Variants in ARHGAP10 observed in about 807,000 individuals in gnomAD.
ARHGAP10 encodes the protein Rho GTPase activating protein 10.
ARHGAP10 carries 87 observed loss-of-function variants against 108.6 expected under a neutral mutation model. The observed-to-expected ratio is 0.80, with a 90% CI of 0.67 to 0.96. The LOEUF (loss-of-function observed/expected upper bound fraction) is 0.96, where lower values mean the gene tolerates loss of function less well. Among genes scored for constraint, ARHGAP10 ranks in the 40% least tolerant of loss-of-function variants. The pLI is 0.00. For missense variants in ARHGAP10, 939 were observed against 954.5 expected (o/e 0.98, Z 0.21); for synonymous variants, 347 against 341.1 (o/e 1.02, Z -0.19).
At chr4:147,907,913 G>C (rs1560820830) in intron 11 of ARHGAP10, among the ~76,000 whole-genome samples, 3 of 152,098 alleles carry the variant, frequency 2.0e-5, no homozygotes, top group Non-Finnish European at 4.4e-5. Context: ...CGTGACCTTG[G>C]CTCACTGCAA....
Position 147,879,234 on chromosome 4 carries a change from C to A in ARHGAP10, c.835C>A (p.Pro279Thr). 2 of 1,611,248 alleles carry A rather than the reference C, an allele frequency of 1.2e-6. No homozygotes were observed. The highest frequency in any genetic ancestry group is 1.7e-6 in the Non-Finnish European group (2 of 1,179,136). ...AAAGGGCTGTTTTTTTGTTGAAGGGCCTGCTCCGTTTGGTTCCAGTTGGGT... is the reference window on the plus strand; with the variant it reads ...AAAGGGCTGTTTTTTTGTTGAAGGGACTGCTCCGTTTGGTTCCAGTTGGGT... Reference protein sequence around the residue: ...EGYLYVQEKRPAPFGSSWVKH... With the variant: ...EGYLYVQEKRTAPFGSSWVKH... Residue 279 changes from proline (P) to threonine (T), a missense_variant and splice_region_variant, in exon 9 of 23, where the codon CCT (proline) becomes ACT (threonine). Pro to Thr is a conservative substitution (Grantham distance 38). Transcript: ENST00000336498.
chr4:147,867,993 A>G (rs539576658), intron 7 of ARHGAP10, among the ~76,000 whole-genome samples: 6 of 148,454 alleles, frequency 4.0e-5, no homozygotes, highest in Admixed American at 1.4e-4. Flanking sequence ...TATTTTTATA[A>G]TTTATGTGTC....
At chr4:148,000,264 T>C (rs1740653314) in intron 18 of ARHGAP10, among the ~76,000 whole-genome samples, 1 of 152,228 alleles carries the variant, frequency 6.6e-6, no homozygotes, top group Non-Finnish European at 1.5e-5. Flanking sequence ...AACTCATCTT[T>C]TTGATGGCTG....
chr4:148,012,429 G>A (rs1030175646), intron 18 of ARHGAP10, among the ~76,000 whole-genome samples: 1 of 152,210 alleles, frequency 6.6e-6, no homozygotes, highest in Non-Finnish European at 1.5e-5. Flanking sequence ...GAATTGTGCA[G>A]TTCACACTGA....
At chr4:148,004,343 G>A (rs1698803994) in intron 18 of ARHGAP10, among the ~76,000 whole-genome samples, 1 of 152,146 alleles carries the variant, frequency 6.6e-6, no homozygotes, top group Admixed American at 6.5e-5. Context: ...TTCAACAGGT[G>A]GAAGAAACAT....
intron 1 of ARHGAP10, among the ~76,000 whole-genome samples, chr4:147,756,915 G>A (rs1219849058): frequency 6.6e-6 from 1 of 151,346 alleles, no homozygotes. Context: ...TATAAGAAGA[G>A]GGAAGGGCAT....
chr4:147,810,656 C>A (rs1318825021), intron 1 of ARHGAP10, among the ~76,000 whole-genome samples: 1 of 152,164 alleles, frequency 6.6e-6, no homozygotes, highest in Non-Finnish European at 1.5e-5. Flanking sequence ...TGTGGAGAAC[C>A]TAAATGCACA....
intron 3 of ARHGAP10, among the ~76,000 whole-genome samples, chr4:147,832,735 A>G (rs559045352): frequency 6.6e-6 from 1 of 151,832 alleles, no homozygotes; most frequent in Admixed American, 6.6e-5. Context: ...TGAAAATAGA[A>G]TCTTTCACAT....
At chr4:148,049,800 TTTTGTTTG>T (rs903133481) in intron 20 of ARHGAP10, among the ~76,000 whole-genome samples, 29 of 146,388 alleles carry the variant, frequency 2.0e-4, no homozygotes, top group Non-Finnish European at 3.9e-4. Flanking sequence ...AAATTGTTTT[TTTTGTTTG>T]TTTGTTTGTT....
Position 147,834,717 on chromosome 4 carries a change from C to T in ARHGAP10, c.312+11760C>T, listed in dbSNP as rs1023221105. Among the ~76,000 whole-genome samples, 12 of 146,448 alleles carry T rather than the reference C, an allele frequency of 8.2e-5. 1 individual carries two copies. Among genetic ancestry groups the T allele is most frequent in the Non-Finnish European group, 1.6e-4 (11 of 67,652 alleles). ...ACACCCACACCCATACACATACCCACCCACTTCCACCCGCACACCCACCCA... is the reference window on the plus strand; with the variant it reads ...ACACCCACACCCATACACATACCCATCCACTTCCACCCGCACACCCACCCA... On this transcript the variant is annotated intron_variant, in intron 3 of 22. Transcript: ENST00000336498.
At chr4:147,792,388 T>G (rs1046620562) in intron 1 of ARHGAP10, among the ~76,000 whole-genome samples, 5 of 152,218 alleles carry the variant, frequency 3.3e-5, no homozygotes, top group African/African-American at 1.2e-4. Flanking sequence ...CCTTCTTTAT[T>G]GGTGACAGGG....
intron 16 of ARHGAP10, among the ~76,000 whole-genome samples, chr4:147,960,743 A>G (rs1431574817): frequency 6.6e-6 from 1 of 152,216 alleles, no homozygotes; most frequent in Non-Finnish European, 1.5e-5. Context: ...TCATGTGGTC[A>G]TTATCCACTC....
intron 1 of ARHGAP10, among the ~76,000 whole-genome samples, chr4:147,775,682 C>A (rs935464099): frequency 1.3e-5 from 2 of 152,132 alleles, no homozygotes; most frequent in Non-Finnish European, 2.9e-5. Context: ...TGCCACTCAG[C>A]CTATTAGTAC....
chr4:147,856,845 T>C (rs1734106202), intron 4 of ARHGAP10, among the ~76,000 whole-genome samples: 1 of 152,174 alleles, frequency 6.6e-6, no homozygotes, highest in Non-Finnish European at 1.5e-5. Flanking sequence ...TTTTTGAAAA[T>C]CTAGAGTAAA....
intron 1 of ARHGAP10, among the ~76,000 whole-genome samples, chr4:147,797,592 T>C (rs1731366027): frequency 6.6e-6 from 1 of 152,116 alleles, no homozygotes; most frequent in Non-Finnish European, 1.5e-5. Context: ...TTTGTATTTT[T>C]AGTAGAGACG....
At chr4:147,784,284 A>AATTGTGT (rs1244677594) in intron 1 of ARHGAP10, among the ~76,000 whole-genome samples, 1 of 136,816 alleles carries the variant, frequency 7.3e-6, no homozygotes. Context: ...CATAACATTA[A>AATTGTGT]ATTATATAAT....
chr4:147,936,317 C>CTTTTTTT (rs765432394), intron 13 of ARHGAP10, among the ~76,000 whole-genome samples: 5 of 97,890 alleles, frequency 5.1e-5, no homozygotes, highest in Admixed American at 1.4e-4. Flanking sequence ...CTTTTCCTCT[C>CTTTTTTT]TTTTTTTTTT....
chr4:147,853,647 AAT>A (rs1733966481), intron 4 of ARHGAP10, among the ~76,000 whole-genome samples: 1 of 152,202 alleles, frequency 6.6e-6, no homozygotes, highest in South Asian at 2.1e-4. Flanking sequence ...CTTAATGAAG[AAT>A]ATATTTTGTG....
At chr4:147,943,559 C>CA (rs1297080287) in intron 14 of ARHGAP10, among the ~76,000 whole-genome samples, 1 of 152,050 alleles carries the variant, frequency 6.6e-6, no homozygotes, top group Non-Finnish European at 1.5e-5. Flanking sequence ...TTTTCAGTTT[C>CA]AAAAAAATGA....
Sources: allele counts gnomAD v4.1 joint callset (sites outside exome capture counted in the v4.1 genomes callset), GRCh38; gene constraint gnomAD v4.1.1; transcripts MANE v1.5; gene names NCBI Gene and HGNC (gene_info 2026-07-23, HGNC 2026-07-21).